Variants in TAF2 observed in about 807,000 individuals in gnomAD.
The protein encoded by TAF2 is transcription initiation factor TFIID subunit 2.
In TAF2, 61 loss-of-function variants were observed where a neutral mutation model predicts 138.5. The ratio of observed to expected loss-of-function variants is 0.44; its 90% CI spans 0.36 to 0.54. The LOEUF is 0.54. Among genes scored for constraint, TAF2 ranks in the 20% least tolerant of loss-of-function variants. The probability of loss-of-function intolerance (pLI) is 0.00; values close to 1 mark genes in which losing one functional copy is unlikely to be tolerated. For missense variants in TAF2, 1,090 were observed against 1,427.9 expected, an observed-to-expected ratio of 0.76 and a Z score of 3.81; for synonymous variants, 475 against 469.9, an observed-to-expected ratio of 1.01 and a Z score of -0.14.
intron 5 of TAF2, among the ~76,000 whole-genome samples, chr8:119,802,742 G>A (rs145050291): frequency 1.3e-5 from 2 of 152,098 alleles, no homozygotes; most frequent in Non-Finnish European, 2.9e-5. Context: ...GTGAAACCCT[G>A]TCTCTACTAA....
At chr8:119,757,780 C>A (rs764635300) in intron 21 of TAF2, among the ~76,000 whole-genome samples, 1 of 151,972 alleles carries the variant, frequency 6.6e-6, no homozygotes, top group African/African-American at 2.4e-5. Flanking sequence ...CCTGTAATCC[C>A]AGCCACCAGA....
chr8:119,788,505 G>A, intron 13 of TAF2, 58 bp from the exon 14 acceptor site: 1 of 1,252,478 alleles, frequency 8.0e-7, no homozygotes, highest in Non-Finnish European at 1.1e-6. Context: ...CAATATGTAT[G>A]CTTATGTGTA....
chr8:119,811,805 C>CAAAAAAAAAAAAAAAA (rs771523182), intron 3 of TAF2, among the ~76,000 whole-genome samples: 1 of 60,344 alleles, frequency 1.7e-5, no homozygotes, highest in African/African-American at 6.3e-5. Context: ...GACTCCGTCT[C>CAAAAAAAAAAAAAAAA]AAAAAAAAAA....
chr8:119,819,557 A>G, intron 2 of TAF2, 51 bp from the exon 3 acceptor site: 1 of 1,466,308 alleles, frequency 6.8e-7, no homozygotes, highest in South Asian at 1.1e-5. Flanking sequence ...TATGTTTCAG[A>G]ATATATTTCT....
chr8:119,760,031 C>T (rs1229424949), intron 20 of TAF2, among the ~76,000 whole-genome samples: 1 of 151,870 alleles, frequency 6.6e-6, no homozygotes, highest in Non-Finnish European at 1.5e-5. Flanking sequence ...TCATTTACGC[C>T]CCCCCAGAGT....
intron 23 of TAF2, chr8:119,744,667 C>A (rs1359411346): frequency 2.2e-6 from 1 of 463,742 alleles, no homozygotes; most frequent in African/African-American, 2.0e-5. Context: ...TGTGGTGGAA[C>A]GTGCACACAT....
At chr8:119,787,840 A>G (rs1434607254) in intron 14 of TAF2, among the ~76,000 whole-genome samples, 1 of 152,182 alleles carries the variant, frequency 6.6e-6, no homozygotes, top group Non-Finnish European at 1.5e-5. Context: ...AACCAACCCA[A>G]ATGCCCATCA....
chr8:119,826,861 TAGGC>T (rs542107228), intron 2 of TAF2, among the ~76,000 whole-genome samples: 42 of 152,190 alleles, frequency 2.8e-4, no homozygotes, highest in African/African-American at 9.9e-4. Context: ...GCTGGGGTTA[TAGGC>T]GTGAGCCACC....
intron 22 of TAF2, among the ~76,000 whole-genome samples, chr8:119,755,366 ACATGC>A (rs1820630192): frequency 6.6e-6 from 1 of 152,082 alleles, no homozygotes; most frequent in Admixed American, 6.6e-5. Flanking sequence ...GCATGGTGGC[ACATGC>A]CTGTAATCCC....
Position 119,750,322 on chromosome 8 carries a change from C to CA in TAF2, c.2879-3389dup, listed in dbSNP as rs1193173827. 2.0e-5 allele frequency among the ~76,000 whole-genome samples: 3 copies of CA among 152,176 alleles called. No individual in the cohort carries two copies. In the East Asian group the frequency reaches 5.8e-4, roughly 29 times the overall value. On this transcript the variant is annotated intron_variant, in intron 22 of 25. Coordinates refer to ENST00000378164, the MANE Select transcript of TAF2 (RefSeq NM_003184.4). ...CACCACTGCACCCCACCCTGGGTGA[C>CA]AGAGTGAGACTCCGTCTCAAAAAAA...
At chr8:119,831,626 A>T in intron 2 of TAF2, 51 bp downstream of exon 2, 1 of 1,364,562 alleles carries the variant, frequency 7.3e-7, no homozygotes, top group South Asian at 1.2e-5. Context: ...GTGGATTGTT[A>T]CTCTTTATAG....
At chr8:119,741,663 T>A (rs1819608625) in intron 25 of TAF2, among the ~76,000 whole-genome samples, 1 of 152,340 alleles carries the variant, frequency 6.6e-6, no homozygotes, top group South Asian at 2.1e-4. Context: ...TATAAGCTTC[T>A]CAAAGCAATA....
At chr8:119,817,109 C>T (rs913517809) in intron 3 of TAF2, among the ~76,000 whole-genome samples, 11 of 152,174 alleles carry the variant, frequency 7.2e-5, no homozygotes, top group African/African-American at 2.4e-4. Context: ...GCCAACAGAG[C>T]TATGGTTCTA....
chr8:119,742,711 A>T (rs1447459282), intron 24 of TAF2, 55 bp from the exon 25 acceptor site: 2 of 1,570,096 alleles, frequency 1.3e-6, no homozygotes, highest in Non-Finnish European at 1.7e-6. Context: ...TTCCCAAAAG[A>T]AAAAAAAAGG....
chr8:119,752,730 GTACATGA>G (rs1163263731), intron 22 of TAF2, among the ~76,000 whole-genome samples: 1 of 152,116 alleles, frequency 6.6e-6, no homozygotes, highest in Non-Finnish European at 1.5e-5. Flanking sequence ...TTCTTCAAAA[GTACATGA>G]TAAGATGATC....
At chr8:119,811,941 A>C (rs1455679803) in intron 3 of TAF2, among the ~76,000 whole-genome samples, 1 of 152,166 alleles carries the variant, frequency 6.6e-6, no homozygotes, top group Non-Finnish European at 1.5e-5. Flanking sequence ...TACAAGCTCA[A>C]ATTTGATCCA....
At position 119,731,620 on chromosome 8, in the gene TAF2, G is replaced by T; in HGVS notation, c.*304C>A. 5.1e-6 allele frequency: 2 copies of T among 390,958 alleles called. No homozygotes were observed. Among genetic ancestry groups the T allele is most frequent in the South Asian group, 5.2e-5 (2 of 38,668 alleles). The allele number at this position is 390,958 out of a possible 1,614,324, so 24.2% of individuals were successfully genotyped here. On this transcript the variant is annotated 3_prime_UTR_variant, in exon 26 of 26. Coordinates refer to ENST00000378164, the MANE Select transcript of TAF2 (RefSeq NM_003184.4). ...CTTTGGCGGTACACATGGAGACCATGATGCGAACGGGGACTGCCAGTGGAT... is the reference window on the plus strand; with the variant it reads ...CTTTGGCGGTACACATGGAGACCATTATGCGAACGGGGACTGCCAGTGGAT...
chr8:119,766,560 T>G (rs539643281), intron 18 of TAF2, among the ~76,000 whole-genome samples: 1 of 152,160 alleles, frequency 6.6e-6, no homozygotes, highest in East Asian at 1.9e-4. Context: ...GAGGCTGAGG[T>G]GGGTGGATTA....
At chr8:119,829,292 G>A (rs1031709740) in intron 2 of TAF2, among the ~76,000 whole-genome samples, 4 of 152,092 alleles carry the variant, frequency 2.6e-5, no homozygotes, top group African/African-American at 9.7e-5. Context: ...ATTCCTTTCC[G>A]CCAGGCTGCA....
Sources: allele counts gnomAD v4.1 joint callset (sites outside exome capture counted in the v4.1 genomes callset), GRCh38; gene constraint gnomAD v4.1.1; transcripts MANE v1.5; gene names NCBI Gene and HGNC (gene_info 2026-07-23, HGNC 2026-07-21).